Variants in PCDHGA8 observed in about 807,000 individuals in gnomAD.
The protein encoded by PCDHGA8 is protocadherin gamma subfamily A, 8.
In PCDHGA8, 45 loss-of-function variants were observed where a neutral mutation model predicts 59.2. The observed-to-expected ratio is 0.76, with a 90% CI of 0.60 to 0.98. The LOEUF (loss-of-function observed/expected upper bound fraction) is 0.98. PCDHGA8 is among the 50% of genes least tolerant of loss of function. PCDHGA8 has a pLI of 0.00. For missense variants in PCDHGA8, 1,257 were observed against 1,196.2 expected (o/e 1.05, Z -0.75); for synonymous variants, 531 against 519.0 (o/e 1.02, Z -0.32).
At chr5:141,446,102 A>C (rs751362645) in intron 1 of PCDHGA8, among the ~76,000 whole-genome samples, 1 of 152,214 alleles carries the variant, frequency 6.6e-6, no homozygotes, top group Non-Finnish European at 1.5e-5. Context: ...TGAATTATAG[A>C]TATATTTAGG....
chr5:141,488,985 C>G lies in PCDHGA8; in HGVS notation c.2425-5822C>G, dbSNP rs574857958. On this transcript the variant is annotated intron_variant, in intron 1 of 3. Transcript: ENST00000398604. ...ACTTTTTGGCCAATCAGACTCAGAG[C>G]TGAGGTGGGAGATCTGCTCTTCCAG... The G allele has an allele frequency of 7.4e-6, 3 of 405,188 alleles. No homozygotes were observed. In the South Asian group the frequency reaches 2.4e-4, roughly 32 times the overall value. The allele number at this position is 405,188 out of a possible 1,614,324, so 25.1% of individuals were successfully genotyped here.
intron 1 of PCDHGA8, chr5:141,478,355 G>A: frequency 6.2e-7 from 1 of 1,613,742 alleles, no homozygotes; most frequent in Non-Finnish European, 8.5e-7. Context: ...CGCGGACGCC[G>A]TGCGGGGAGG....
intron 1 of PCDHGA8, chr5:141,396,655 C>T (rs1589287485): frequency 6.6e-6 from 1 of 152,052 alleles, no homozygotes; most frequent in South Asian, 2.1e-4. Context: ...AGTAAAAACT[C>T]GGTATAGGCT....
intron 1 of PCDHGA8, among the ~76,000 whole-genome samples, chr5:141,471,163 G>GC (rs202115056): frequency 0.11 from 16,237 of 150,562 alleles, 892 homozygotes; most frequent in South Asian, 0.15. Context: ...GATTCTCCTG[G>GC]CTCAGCCTCC....
In PCDHGA8 at chr5:141,485,842, T is replaced by C; in HGVS notation, c.2425-8965T>C. ...TCGATGGAGGGAACCCGCCGAGATC[T>C]GGCACCGCAGAGCTCCGGGTATCCG... On this transcript the variant is annotated intron_variant, in intron 1 of 3. Coordinates refer to ENST00000398604, the MANE Select transcript of PCDHGA8 (RefSeq NM_032088.2). This position sits in a 1 kb window ranked among gnomAD's most constrained non-coding sequence, Gnocchi z 5.7. 1 of 1,614,002 alleles carries C rather than the reference T, an allele frequency of 6.2e-7. No homozygotes were observed. Among genetic ancestry groups the C allele is most frequent in the Non-Finnish European group, 8.5e-7 (1 of 1,179,982 alleles).
intron 1 of PCDHGA8, chr5:141,418,002 G>A: frequency 1.9e-6 from 3 of 1,613,916 alleles, no homozygotes; most frequent in Non-Finnish European, 2.5e-6. Flanking sequence ...TCGGTGGTGG[G>A]GAACCTCGCT....
intron 2 of PCDHGA8, among the ~76,000 whole-genome samples, chr5:141,500,416 A>G: frequency 6.6e-6 from 1 of 151,634 alleles, no homozygotes; most frequent in East Asian, 2.0e-4. Flanking sequence ...TCACCGTGTT[A>G]GCCAGGATGG....
In PCDHGA8 at chr5:141,512,133, G is replaced by A. The variant is rs1394116556; in HGVS notation, c.*960G>A. ...CCACTACATAATAGGGCTCAGCCCA[G>A]GCAGCCAGCTTTGGGCTGAGCTAAC... On this transcript the variant is annotated 3_prime_UTR_variant, in exon 4 of 4. Coordinates refer to ENST00000398604, the MANE Select transcript of PCDHGA8 (RefSeq NM_032088.2). 3 of 152,708 alleles carry A rather than the reference G, an allele frequency of 2.0e-5. No homozygotes were observed. Among genetic ancestry groups the A allele is most frequent in the Non-Finnish European group, 2.9e-5 (2 of 68,102 alleles). 9.5% of individuals were successfully genotyped at this position (152,708 alleles called of 1,614,324 possible).
chr5:141,413,435 G>T lies in PCDHGA8; in HGVS notation c.2424+18198G>T, dbSNP rs1018097924. 17 of 1,614,004 alleles carry T rather than the reference G, an allele frequency of 1.1e-5. No homozygotes were observed. The African/African-American group carries it at 2.1e-4, about 20-fold the overall frequency. On this transcript the variant is annotated intron_variant, in intron 1 of 3. Coordinates refer to ENST00000398604, the MANE Select transcript of PCDHGA8 (RefSeq NM_032088.2). Reference sequence around the variant, plus strand: ...TTCTCTCTGAACCCGCGCAGCGGCAGCTTGATCACCGCGGGCAGGATAGAC... The same window carrying T: ...TTCTCTCTGAACCCGCGCAGCGGCATCTTGATCACCGCGGGCAGGATAGAC...
intron 1 of PCDHGA8, chr5:141,441,837 G>A (rs952709777): frequency 2.8e-6 from 1 of 354,138 alleles, no homozygotes. Context: ...ATGGCTTCGC[G>A]CTCTTGGATA....
chr5:141,430,924 G>A (rs1217400258), intron 1 of PCDHGA8: 1 of 1,607,462 alleles, frequency 6.2e-7, no homozygotes, highest in Admixed American at 1.7e-5. Context: ...TGGGGCTGGA[G>A]CCCCGGGAGC....
Position 141,394,700 on chromosome 5 carries a change from G to A in PCDHGA8, c.1887G>A (p.Ala629=), listed in dbSNP as rs775789970. The change falls in exon 1 of 4, where the codon GCG becomes GCA. Residue 629 remains alanine, a synonymous_variant. Coordinates refer to ENST00000398604, the MANE Select transcript of PCDHGA8 (RefSeq NM_032088.2). ...TGCACACGGGCGAGGTGCGCACGGC[G>A]CGAGCCCTGCTGGACAGAGATGCGC... ...VGLHTGEVRT[A]RALLDRDALK... The A allele has an allele frequency of 6.2e-7, 1 of 1,613,138 alleles. No homozygotes were observed. The highest frequency in any genetic ancestry group is 8.5e-7 in the Non-Finnish European group (1 of 1,179,876).
At chr5:141,410,665 G>C (rs372651223) in intron 1 of PCDHGA8, 9 of 1,569,394 alleles carry the variant, frequency 5.7e-6, no homozygotes, top group Non-Finnish European at 7.7e-6. Flanking sequence ...TAGTCTACTA[G>C]TTTCTCATAT....
chr5:141,394,288 C>T lies in PCDHGA8; in HGVS notation c.1475C>T (p.Thr492Ile). 6.2e-7 allele frequency: 1 copy of T among 1,613,944 alleles called. No individual in the cohort carries two copies. The highest frequency in any genetic ancestry group is 8.5e-7 in the Non-Finnish European group (1 of 1,179,872). The change falls in exon 1 of 4, where the codon ACC (threonine) becomes ATC (isoleucine). Residue 492 changes from threonine (T) to isoleucine (I), a missense_variant. Physicochemically the swap from Thr to Ile is moderately conservative, Grantham distance 89. Transcript: ENST00000398604. The stretch of plus-strand genomic sequence containing the variant: ...AATGCCCAGGTCACTTACTCTGTGA[C>T]CGAGGACACGCTGCAGGGGGCGCCC... ...QENAQVTYSV[T>I]EDTLQGAPLS...
intron 1 of PCDHGA8, among the ~76,000 whole-genome samples, chr5:141,443,722 C>G (rs2098401001): frequency 6.6e-6 from 1 of 152,012 alleles, no homozygotes; most frequent in Admixed American, 6.6e-5. Context: ...TATAAAATTC[C>G]TCATACATTT....
chr5:141,485,152 A>T lies in PCDHGA8; in HGVS notation c.2425-9655A>T. 1.3e-6 allele frequency: 2 copies of T among 1,586,090 alleles called. No homozygotes were observed. Among genetic ancestry groups the T allele is most frequent in the Non-Finnish European group, 8.6e-7 (1 of 1,157,176 alleles). ...CTTCATCCGCGTCTCAGGAGCAAGT[A>T]GAGAATTAGCGGGCGGCAGCAATGC... On this transcript the variant is annotated intron_variant, in intron 1 of 3. Coordinates refer to ENST00000398604, the MANE Select transcript of PCDHGA8 (RefSeq NM_032088.2). This position sits in a 1 kb window ranked among gnomAD's most constrained non-coding sequence, Gnocchi z 5.7.
chr5:141,408,201 C>T (rs1036342508), intron 1 of PCDHGA8: 4 of 1,548,914 alleles, frequency 2.6e-6, no homozygotes, highest in South Asian at 2.4e-5. Flanking sequence ...CCCGAGCGAA[C>T]GATGGGAGGG....
Position 141,431,706 on chromosome 5 carries a change from A to T in PCDHGA8, c.2424+36469A>T. The T allele has an allele frequency of 6.2e-7, 1 of 1,614,248 alleles. No homozygotes were observed. The highest frequency in any genetic ancestry group is 8.5e-7 in the Non-Finnish European group (1 of 1,180,048). On this transcript the variant is annotated intron_variant, in intron 1 of 3. Coordinates refer to ENST00000398604, the MANE Select transcript of PCDHGA8 (RefSeq NM_032088.2). The surrounding 1 kb of genome is among the most constrained non-coding windows in gnomAD (Gnocchi z 4.8). ...GACCACGAGGAGTCAGGATTCTACC[A>T]GATGGAAGTGCAAGCAATGGATAAT...
intron 1 of PCDHGA8, chr5:141,426,745 A>G (rs866203428): frequency 6.2e-5 from 28 of 454,130 alleles, no homozygotes; most frequent in Middle Eastern, 6.5e-4. Context: ...TTTGGCCTGG[A>G]ATCTGCTATA....
Sources: gnomAD v4.1 joint callset for allele counts (sites outside exome capture counted in the v4.1 genomes callset) on GRCh38, gnomAD v4.1.1 for gene constraint, Gnocchi (gnomAD v3.1) non-coding constraint, MANE v1.5 for transcripts, NCBI Gene and HGNC (gene_info 2026-07-23, HGNC 2026-07-21) for gene names.